Variants in ARHGEF12 observed in about 807,000 individuals in gnomAD.
The protein encoded by ARHGEF12 is Rho guanine nucleotide exchange factor 12, also known as KMT2A/ARHGEF12 fusion protein.
Under a neutral mutation model 211.2 loss-of-function variants are expected in ARHGEF12, and 66 were observed. The observed-to-expected ratio is 0.31, with a 90% CI of 0.26 to 0.38. The LOEUF (loss-of-function observed/expected upper bound fraction) is 0.38, where lower values mean the gene tolerates loss of function less well. Among genes scored for constraint, ARHGEF12 ranks in the 10% least tolerant of loss-of-function variants. ARHGEF12 has a pLI of 1.00. For missense variants in ARHGEF12, 1,429 were observed against 1,869.5 expected, an observed-to-expected ratio of 0.76 and a Z score of 4.34; for synonymous variants, 592 against 638.4, an observed-to-expected ratio of 0.93 and a Z score of 1.09.
chr11:120,475,262 C>A, intron 32 of ARHGEF12, 78 bp from the exon 33 acceptor site: 1 of 1,306,422 alleles, frequency 7.7e-7, no homozygotes, highest in Non-Finnish European at 1.1e-6. Context: ...TAGAATTCCT[C>A]TGTTGAATCA....
chr11:120,448,169 A>T lies in ARHGEF12; in HGVS notation c.1623-65A>T, dbSNP rs922715721. 4.2e-6 allele frequency: 5 copies of T among 1,199,740 alleles called. No individual in the cohort carries two copies. In the Admixed American group the frequency reaches 1.1e-4, roughly 25 times the overall value. The allele number at this position is 1,199,740 out of a possible 1,614,324, so 74.3% of individuals were successfully genotyped here. A position where few individuals can be genotyped will look rare whatever the true frequency, so the allele number is the denominator to read the frequency against. ...ACCTTGGGGTTTTGGAAATCATTTGATGTCTTTATTCTACCAACCCTCCCT... is the reference window on the plus strand; with the variant it reads ...ACCTTGGGGTTTTGGAAATCATTTGTTGTCTTTATTCTACCAACCCTCCCT... On this transcript the variant is annotated intron_variant, in intron 19 of 40. Coordinates refer to ENST00000397843, the MANE Select transcript of ARHGEF12 (RefSeq NM_015313.3).
At chr11:120,341,699 G>GT (rs779430663) in intron 1 of ARHGEF12, among the ~76,000 whole-genome samples, 1 of 152,174 alleles carries the variant, frequency 6.6e-6, no homozygotes, top group Non-Finnish European at 1.5e-5. Context: ...ATACTTGCTT[G>GT]TTTCCTAGAA....
chr11:120,426,594 A>G (rs1400870558), intron 7 of ARHGEF12, among the ~76,000 whole-genome samples: 1 of 152,246 alleles, frequency 6.6e-6, no homozygotes, highest in Admixed American at 6.5e-5. Flanking sequence ...GGCAAGTGAG[A>G]TATAATAGAT....
rs1456734755 is a variant in ARHGEF12 at position 120,474,647 on chromosome 11, A to G, written c.3109+12A>G. The G allele has an allele frequency of 6.3e-7, 1 of 1,597,348 alleles. No homozygotes were observed. Among genetic ancestry groups the G allele is most frequent in the East Asian group, 2.2e-5 (1 of 44,466 alleles). On this transcript the variant is annotated intron_variant, in intron 32 of 40. Coordinates refer to ENST00000397843, the MANE Select transcript of ARHGEF12 (RefSeq NM_015313.3). Reference sequence around the variant, plus strand: ...AGATAAAACTATTGGTAGGTCTGATATTGTCTTTTAGTTTTGGGGAGAGTG... The same window carrying G: ...AGATAAAACTATTGGTAGGTCTGATGTTGTCTTTTAGTTTTGGGGAGAGTG...
intron 19 of ARHGEF12, among the ~76,000 whole-genome samples, 153 bp from the exon 20 acceptor site, chr11:120,448,081 C>G (rs373611320): frequency 1.1e-4 from 16 of 152,004 alleles, no homozygotes; most frequent in Admixed American, 2.6e-4. Flanking sequence ...GAGTAGAATT[C>G]TCTTCTCTGT....
At chr11:120,479,002 C>T (rs1413196169) in intron 37 of ARHGEF12, among the ~76,000 whole-genome samples, 3 of 152,188 alleles carry the variant, frequency 2.0e-5, no homozygotes, top group Admixed American at 6.5e-5. Flanking sequence ...TCCCCCACCT[C>T]CTTCCATTGT....
intron 39 of ARHGEF12, among the ~76,000 whole-genome samples, chr11:120,481,862 C>T (rs907598479): frequency 1.3e-5 from 2 of 151,666 alleles, no homozygotes; most frequent in African/African-American, 4.8e-5. Context: ...CAGGTTCACA[C>T]CATTCTCCTG....
intron 1 of ARHGEF12, among the ~76,000 whole-genome samples, chr11:120,351,445 A>G (rs1240321604): frequency 2.5e-4 from 1 of 4,010 alleles, no homozygotes; most frequent in African/African-American, 1.6e-3. Flanking sequence ...ATATATATAT[A>G]TATATATATA....
intron 12 of ARHGEF12, chr11:120,438,373 C>A (rs1945759770): frequency 6.6e-6 from 1 of 152,070 alleles, no homozygotes; most frequent in African/African-American, 2.4e-5. Context: ...AAACTCCTGA[C>A]CTCAGGTGAT....
chr11:120,426,910 T>G (rs1233364655), intron 7 of ARHGEF12, among the ~76,000 whole-genome samples: 1 of 152,118 alleles, frequency 6.6e-6, no homozygotes, highest in East Asian at 1.9e-4. Context: ...GAATTCTTGT[T>G]CTGTCACCCA....
Position 120,449,094 on chromosome 11 carries a change from G to A in ARHGEF12, c.1738-15G>A. 1.1e-5 allele frequency: 17 copies of A among 1,603,352 alleles called. No individual in the cohort carries two copies. The highest frequency in any genetic ancestry group is 1.3e-5 in the African/African-American group (1 of 74,532). ...CTCTGTTACGTATCTCTTATTTTTT[G>A]TACTTCAACTCTAGCAAAGTATGAA... On this transcript the variant is annotated splice_polypyrimidine_tract_variant and intron_variant, in intron 20 of 40. Transcript: ENST00000397843.
chr11:120,427,238 T>G (rs1000101427), intron 7 of ARHGEF12, among the ~76,000 whole-genome samples: 2 of 151,756 alleles, frequency 1.3e-5, no homozygotes, highest in Non-Finnish European at 2.9e-5. Flanking sequence ...TGAATTCCTG[T>G]CCATTCCTCC....
At chr11:120,382,775 A>C (rs1461881496) in intron 1 of ARHGEF12, among the ~76,000 whole-genome samples, 1 of 152,218 alleles carries the variant, frequency 6.6e-6, no homozygotes, top group Admixed American at 6.5e-5. Flanking sequence ...CAGAAAAATT[A>C]AGAAAATTGT....
intron 24 of ARHGEF12, 29 bp downstream of exon 24, chr11:120,457,785 A>G (rs368246171): frequency 1.2e-5 from 20 of 1,601,442 alleles, no homozygotes; most frequent in Non-Finnish European, 1.4e-5. Context: ...GCTTTCAATA[A>G]AGGCGCATTT....
At position 120,448,280 on chromosome 11, in the gene ARHGEF12, G is replaced by A. The variant is rs1459439598; in HGVS notation, c.1669G>A (p.Val557Ile). The change falls in exon 20 of 41, where the codon GTA becomes ATA. Residue 557 changes from valine (V) to isoleucine (I), a missense_variant. Val to Ile is a conservative substitution (Grantham distance 29, BLOSUM62 3). Transcript: ENST00000397843. The part of the protein sequence containing the change: ...VILMYMKHLG[V>I]KVKEPRNLEH... ...TCTCATGTATATGAAGCATTTGGGA[G>A]TAAAAGTGAAAGAGCCTCGAAATTT... 2 of 1,614,130 alleles carry A rather than the reference G, an allele frequency of 1.2e-6. No individual in the cohort carries two copies. Among genetic ancestry groups the A allele is most frequent in the Non-Finnish European group, 1.7e-6 (2 of 1,179,992 alleles).
At chr11:120,343,262 GAGAT>G (rs1186571714) in intron 1 of ARHGEF12, among the ~76,000 whole-genome samples, 3 of 152,074 alleles carry the variant, frequency 2.0e-5, no homozygotes, top group Non-Finnish European at 4.4e-5. Context: ...TCAAATTATT[GAGAT>G]AGATGTCCTT....
At chr11:120,340,015 T>C (rs1458840738) in intron 1 of ARHGEF12, among the ~76,000 whole-genome samples, 1 of 152,194 alleles carries the variant, frequency 6.6e-6, no homozygotes, top group Non-Finnish European at 1.5e-5. Context: ...ATGTAGTATA[T>C]CCAAACAGCT....
chr11:120,369,700 G>A (rs1395164677), intron 1 of ARHGEF12, among the ~76,000 whole-genome samples: 6 of 152,142 alleles, frequency 3.9e-5, no homozygotes, highest in Non-Finnish European at 8.8e-5. Context: ...AGAAGCTTGC[G>A]CTCTTAGTGT....
chr11:120,460,942 A>G (rs1183187065), intron 27 of ARHGEF12, among the ~76,000 whole-genome samples, 185 bp downstream of exon 27: 2 of 152,226 alleles, frequency 1.3e-5, no homozygotes, highest in Non-Finnish European at 2.9e-5. Context: ...TGTAAGAAGC[A>G]GACCCTTATC....
Sources: allele counts gnomAD v4.1 joint callset (sites outside exome capture counted in the v4.1 genomes callset), GRCh38; gene constraint gnomAD v4.1.1; transcripts MANE v1.5; gene names NCBI Gene and HGNC (gene_info 2026-07-23, HGNC 2026-07-21).